The following HK1 variants were observed in gnomAD, a reference collection of about 807,000 sequenced individuals.
The protein encoded by HK1 is hexokinase 1, also known as hexokinase-1.
A neutral mutation model predicts 91.6 loss-of-function variants in HK1; 28 were observed. The observed-to-expected ratio is 0.31, with a 90% CI of 0.23 to 0.42. The LOEUF (loss-of-function observed/expected upper bound fraction) is 0.42, where lower values mean the gene tolerates loss of function less well. Among genes scored for constraint, HK1 ranks in the 10% least tolerant of loss-of-function variants. The probability of loss-of-function intolerance (pLI) is 1.00; values close to 1 mark genes in which losing one functional copy is unlikely to be tolerated. For missense variants in HK1, 770 were observed against 1,219.8 expected (o/e 0.63, Z 5.49); for synonymous variants, 430 against 468.1 (o/e 0.92, Z 1.05).
At chr10:69,396,529 C>T (rs1205746278) in intron 16 of HK1, among the ~76,000 whole-genome samples, 1 of 144,596 alleles carries the variant, frequency 6.9e-6, no homozygotes, top group Non-Finnish European at 1.5e-5. Flanking sequence ...CAGCAACCAC[C>T]ATTCTACTCT....
intron 1 of HK1, among the ~76,000 whole-genome samples, chr10:69,330,660 C>T (rs980300929): frequency 6.6e-6 from 1 of 152,068 alleles, no homozygotes; most frequent in African/African-American, 2.4e-5. Context: ...GATGCAGACT[C>T]TCATTCAAGA....
chr10:69,382,443 T>C (rs1294887145), intron 9 of HK1, 44 bp from the exon 10 acceptor site: 1 of 1,598,040 alleles, frequency 6.3e-7, no homozygotes, highest in Non-Finnish European at 8.6e-7. Context: ...CCCCAATAAA[T>C]GCTCAGTCCA....
chr10:69,277,775 G>C (rs1438481058), intron 1 of HK1, among the ~76,000 whole-genome samples: 1 of 151,956 alleles, frequency 6.6e-6, no homozygotes. Flanking sequence ...GCTCACGCCT[G>C]TAATCCCAGC....
intron 5 of HK1, among the ~76,000 whole-genome samples, chr10:69,304,225 G>A (rs1030295519): frequency 1.3e-5 from 2 of 151,810 alleles, no homozygotes; most frequent in Admixed American, 6.6e-5. Flanking sequence ...GACAAGAAGA[G>A]GGTTTGTTTT....
Position 69,376,619 on chromosome 10 carries a change from C to T in HK1, c.876-315C>T, listed in dbSNP as rs555830693. Among the ~76,000 whole-genome samples the T allele has an allele frequency of 1.6e-4, 24 of 152,314 alleles. No homozygotes were observed. The South Asian group carries it at 4.6e-3, about 29-fold the overall frequency. On this transcript the variant is annotated intron_variant, in intron 7 of 17. Coordinates refer to ENST00000359426, the MANE Select transcript of HK1 (RefSeq NM_000188.3). ...TATTTTGCACATTTCTATCTGGGGC[C>T]TTCTTGACATCTGCAATCTAAATCC... is the stretch of plus-strand genomic sequence containing the variant.
chr10:69,307,734 A>G (rs1373022496), intron 5 of HK1, among the ~76,000 whole-genome samples: 1 of 152,258 alleles, frequency 6.6e-6, no homozygotes, highest in Non-Finnish European at 1.5e-5. Flanking sequence ...ATTTAGAACA[A>G]TGGTGTATAG....
intron 1 of HK1, among the ~76,000 whole-genome samples, chr10:69,339,849 G>A (rs1480906732): frequency 6.6e-6 from 1 of 152,154 alleles, no homozygotes; most frequent in African/African-American, 2.4e-5. Flanking sequence ...TAGACTTGCA[G>A]GTATAAAACC....
intron 1 of HK1, among the ~76,000 whole-genome samples, chr10:69,323,030 G>A (rs568810350): frequency 2.0e-5 from 3 of 152,086 alleles, no homozygotes; most frequent in South Asian, 2.1e-4. Context: ...GGTGAATCAC[G>A]AAGTCAGGAG....
At chr10:69,276,124 TATATATATATATATACAC>T (rs1844452346) in intron 1 of HK1, among the ~76,000 whole-genome samples, 1 of 48,188 alleles carries the variant, frequency 2.1e-5, no homozygotes, top group Non-Finnish European at 5.3e-5. Flanking sequence ...AAAAAATACA[TATATATATATATATACAC>T]ATATATATAT....
At position 69,380,503 on chromosome 10, in the gene HK1, T is replaced by A. The variant is rs1293975993; in HGVS notation, c.1265+408T>A. On this transcript the variant is annotated intron_variant, in intron 9 of 17. Transcript: ENST00000359426. This position sits in a 1 kb window ranked among gnomAD's most constrained non-coding sequence, Gnocchi z 4.0. ...TAGCTGTCGGCTCCTCTGGGTGGAA[T>A]GTGTCTGTCTCTCGTCCGCATTTCA... Among the ~76,000 whole-genome samples the A allele has an allele frequency of 1.3e-5, 2 of 152,206 alleles. No homozygotes were observed. The highest frequency in any genetic ancestry group is 2.9e-5 in the Non-Finnish European group (2 of 68,038).
chr10:69,316,946 C>A (rs7084363), upstream of HK1, among the ~76,000 whole-genome samples: 1,744 of 152,250 alleles, frequency 0.011, 31 homozygotes, highest in African/African-American at 0.039. Context: ...TTTTGCTTAA[C>A]GGCCATGTAG....
chr10:69,303,952 T>C (rs956788864), intron 5 of HK1, among the ~76,000 whole-genome samples: 1 of 152,194 alleles, frequency 6.6e-6, no homozygotes, highest in African/African-American at 2.4e-5. Flanking sequence ...GAATTGAAAC[T>C]GTCTTGCACT....
At chr10:69,299,792 G>C (rs1376559042) in intron 4 of HK1, among the ~76,000 whole-genome samples, 1 of 151,540 alleles carries the variant, frequency 6.6e-6, no homozygotes, top group African/African-American at 2.4e-5. Flanking sequence ...CTCCCAAGTA[G>C]CTGGGATTAC....
upstream of HK1, among the ~76,000 whole-genome samples, chr10:69,313,523 C>A (rs546762625): frequency 2.1e-3 from 327 of 152,240 alleles, 2 homozygotes; most frequent in South Asian, 9.6e-3. Flanking sequence ...AGGGCAATGG[C>A]GCAATCTCGG....
At position 69,382,536 on chromosome 10, in the gene HK1, G is replaced by T. The variant is rs773517087; in HGVS notation, c.1315G>T (p.Asp439Tyr). 1.2e-6 allele frequency: 2 copies of T among 1,614,200 alleles called. No homozygotes were observed. Among genetic ancestry groups the T allele is most frequent in the Non-Finnish European group, 1.7e-6 (2 of 1,180,032 alleles). ...TCTAAGGCGCTTGGTGCCAGACTCC[G>T]ATGTGCGCTTCCTCCTCTCGGAGAG... ...KTLRRLVPDSDVRFLLSESGS... is the reference protein window; with the variant it reads ...KTLRRLVPDSYVRFLLSESGS... Residue 439 changes from aspartate (D) to tyrosine (Y), a missense_variant, in exon 10 of 18, where the codon GAT becomes TAT. Coordinates refer to ENST00000359426, the MANE Select transcript of HK1 (RefSeq NM_000188.3).
rs371974878 is a variant in HK1 at position 69,369,254 on chromosome 10, C to T, written c.609C>T (p.Ile203=). 50 of 1,613,796 alleles carry T rather than the reference C, an allele frequency of 3.1e-5. 1 individual carries two copies. The highest frequency in any genetic ancestry group is 1.6e-4 in the Middle Eastern group (1 of 6,084). Residue 203 remains isoleucine (I), a synonymous_variant, in exon 6 of 18, where the codon ATC becomes ATT. Coordinates refer to ENST00000359426, the MANE Select transcript of HK1 (RefSeq NM_000188.3). This position sits in a 1 kb window ranked among gnomAD's most constrained non-coding sequence, Gnocchi z 4.4. ...IKKRGDYDAN[I]VAVVNDTVGT... The stretch of plus-strand genomic sequence containing the variant: ...GTCCCCAGGACTATGATGCCAACAT[C>T]GTAGCTGTGGTGAATGACACAGTGG...
At chr10:69,277,687 C>T (rs933141299) in intron 1 of HK1, among the ~76,000 whole-genome samples, 3 of 152,076 alleles carry the variant, frequency 2.0e-5, no homozygotes, top group Non-Finnish European at 4.4e-5. Context: ...TTTGTAGCTC[C>T]TTATAAGCCT....
At chr10:69,278,130 G>A (rs1189936955) in intron 1 of HK1, among the ~76,000 whole-genome samples, 1 of 152,218 alleles carries the variant, frequency 6.6e-6, no homozygotes, top group Admixed American at 6.5e-5. Flanking sequence ...GGACTGAGGG[G>A]GCAGAGGAAA....
At position 69,343,707 on chromosome 10, in the gene HK1, C is replaced by T. The variant is rs112323366; in HGVS notation, c.64-120C>T. ...AGCAGTTGAATGACCTTCCGCCATG[C>T]GATGTGCCAGCGTGCGTGTTCCTGT... On this transcript the variant is annotated intron_variant, in intron 1 of 17. Transcript: ENST00000359426. 1.6e-3 allele frequency: 1,276 copies of T among 795,056 alleles called. 8 individuals are homozygous for T. Among genetic ancestry groups the T allele is most frequent in the Middle Eastern group, 1.0e-3 (3 of 2,864 alleles). The allele number at this position is 795,056 out of a possible 1,614,324, so 49.3% of individuals were successfully genotyped here.
Sources: allele counts gnomAD v4.1 joint callset (sites outside exome capture counted in the v4.1 genomes callset), GRCh38; gene constraint gnomAD v4.1.1; non-coding constraint Gnocchi (gnomAD v3.1); transcripts MANE v1.5; gene names NCBI Gene and HGNC (gene_info 2026-07-23, HGNC 2026-07-21).